Variants in PPP4R3B observed in about 807,000 individuals in gnomAD.
PPP4R3B encodes the protein serine/threonine-protein phosphatase 4 regulatory subunit 3B.
A neutral mutation model predicts 95.4 loss-of-function variants in PPP4R3B; 52 were observed. The observed-to-expected ratio is 0.54, with a 90% CI of 0.44 to 0.69. The LOEUF (loss-of-function observed/expected upper bound fraction) is 0.69, where lower values mean the gene tolerates loss of function less well. Ranked by LOEUF, PPP4R3B falls within the 30% of genes least tolerant of loss-of-function variation. The pLI is 0.00. For missense variants in PPP4R3B, 1,003 were observed against 1,005.9 expected, an observed-to-expected ratio of 1.00 and a Z score of 0.04; for synonymous variants, 407 against 343.9, an observed-to-expected ratio of 1.18 and a Z score of -2.03.
chr2:55,597,513 C>T (rs1261580024), intron 4 of PPP4R3B, among the ~76,000 whole-genome samples: 1 of 151,872 alleles, frequency 6.6e-6, no homozygotes, highest in Non-Finnish European at 1.5e-5. Context: ...TCCCAGCTAC[C>T]CGGGAGGCTG....
chr2:55,567,155 T>G (rs1041541122), intron 13 of PPP4R3B, among the ~76,000 whole-genome samples: 2 of 152,226 alleles, frequency 1.3e-5, no homozygotes, highest in South Asian at 2.1e-4. Context: ...GTTATTCACA[T>G]AGACTGCCCT....
In PPP4R3B at chr2:55,586,718, T is replaced by C; in HGVS notation, c.1016A>G (p.Glu339Gly). 6.3e-7 allele frequency: 1 copy of C among 1,597,628 alleles called. No homozygotes were observed. Among genetic ancestry groups the C allele is most frequent in the Non-Finnish European group, 8.5e-7 (1 of 1,173,634 alleles). ...KRRELVNFFK[E>G]FCAFSQTLQP... is the part of the protein sequence containing the mutation. ...TAATGTCTGAGAAAATGCACAAAAC[T>C]CCTTGAAAAAATTAACCTGTAATGT... Residue 339 changes from glutamate (E) to glycine (G), a missense_variant, in exon 6 of 17, where the codon GAG (glutamate) becomes GGG (glycine). Physicochemically the swap from Glu to Gly is moderately conservative, Grantham distance 98. This residue lies in a region of PPP4R3B where 695 missense variants were observed against 686.2 expected (regional missense o/e 1.01). Coordinates refer to ENST00000616407, the MANE Select transcript of PPP4R3B (RefSeq NM_001122964.3).
Position 55,617,445 on chromosome 2 carries a change from G to A in PPP4R3B, c.-160C>T, listed in dbSNP as rs1046553271. The A allele has an allele frequency of 1.1e-5, 9 of 856,202 alleles. No homozygotes were observed. The South Asian group carries it at 1.5e-4, about 14-fold the overall frequency. The allele number at this position is 856,202 out of a possible 1,614,324, so 53.0% of individuals were successfully genotyped here. Reference sequence around the variant, plus strand: ...GGCTCCAAAGGTTCAGCCGCGAGAAGGGGTGACAAGAGCCACTGAGGCCTC... The same window carrying A: ...GGCTCCAAAGGTTCAGCCGCGAGAAAGGGTGACAAGAGCCACTGAGGCCTC... On this transcript the variant is annotated 5_prime_UTR_variant, in exon 1 of 17. Transcript: ENST00000616407.
chr2:55,601,542 G>C (rs944756451), intron 3 of PPP4R3B, among the ~76,000 whole-genome samples: 6 of 151,890 alleles, frequency 4.0e-5, no homozygotes, highest in Admixed American at 3.9e-4. Context: ...CACCATGCCC[G>C]GCTAATTTTT....
chr2:55,584,320 G>C (rs1689837611), intron 7 of PPP4R3B, among the ~76,000 whole-genome samples: 1 of 151,978 alleles, frequency 6.6e-6, no homozygotes, highest in African/African-American at 2.4e-5. Flanking sequence ...CACAATATTG[G>C]TCTCATTATT....
At chr2:55,606,688 T>C (rs143327265) in intron 2 of PPP4R3B, among the ~76,000 whole-genome samples, 1 of 151,928 alleles carries the variant, frequency 6.6e-6, no homozygotes, top group African/African-American at 2.4e-5. Context: ...CCGGGTGTGG[T>C]AGCAGCCACC....
intron 10 of PPP4R3B, 60 bp from the exon 11 acceptor site, chr2:55,577,416 T>G: frequency 7.5e-7 from 1 of 1,337,258 alleles, no homozygotes; most frequent in Admixed American, 3.3e-5. Context: ...CAGATTTCCC[T>G]AGTACTTTAT....
chr2:55,575,082 C>T (rs13018767), intron 11 of PPP4R3B, among the ~76,000 whole-genome samples: 32,910 of 150,062 alleles, frequency 0.22, 3,682 homozygotes, highest in East Asian at 0.3. Flanking sequence ...GGACTACAGG[C>T]GCCCGCCACA....
chr2:55,604,168 G>T, intron 2 of PPP4R3B, 92 bp from the exon 3 acceptor site: 1 of 900,214 alleles, frequency 1.1e-6, no homozygotes, highest in Non-Finnish European at 1.6e-6. Flanking sequence ...AAACAACACA[G>T]CAATGACAAA....
intron 12 of PPP4R3B, among the ~76,000 whole-genome samples, chr2:55,572,067 C>T (rs1688075445): frequency 6.6e-6 from 1 of 152,202 alleles, no homozygotes; most frequent in Non-Finnish European, 1.5e-5. Flanking sequence ...GGTGCTGATA[C>T]TGTTGGCTAT....
chr2:55,573,140 A>G (rs1030243146), intron 12 of PPP4R3B, among the ~76,000 whole-genome samples: 8 of 152,204 alleles, frequency 5.3e-5, no homozygotes, highest in African/African-American at 7.2e-5. Flanking sequence ...TTAAATGTCT[A>G]TATTTAAAAT....
intron 2 of PPP4R3B, chr2:55,614,591 T>G (rs971694669): frequency 6.6e-6 from 1 of 152,174 alleles, no homozygotes; most frequent in African/African-American, 2.4e-5. Flanking sequence ...TATAAAAGCA[T>G]GTACACAAAG....
chr2:55,592,486 T>C (rs560869173), intron 4 of PPP4R3B, among the ~76,000 whole-genome samples: 210 of 151,964 alleles, frequency 1.4e-3, no homozygotes, highest in African/African-American at 5.0e-3. Flanking sequence ...CAAAGAAAAA[T>C]CCTAAAAACA....
chr2:55,614,061 A>T lies in PPP4R3B; in HGVS notation c.198+1390T>A, dbSNP rs578199806. 6 of 152,312 alleles carry T rather than the reference A, an allele frequency of 3.9e-5. No individual in the cohort carries two copies. In the East Asian group the frequency reaches 1.2e-3, roughly 29 times the overall value. 9.4% of individuals were successfully genotyped at this position (152,312 alleles called of 1,614,324 possible). Reference sequence around the variant, plus strand: ...AAAAAAGACACACAATATTTTCTAAACAGAGAAAAAAGCTATGAATTGAAT... The same window carrying T: ...AAAAAAGACACACAATATTTTCTAATCAGAGAAAAAAGCTATGAATTGAAT... On this transcript the variant is annotated intron_variant, in intron 2 of 16. Coordinates refer to ENST00000616407, the MANE Select transcript of PPP4R3B (RefSeq NM_001122964.3).
At chr2:55,560,942 G>C (rs1478498345) in intron 15 of PPP4R3B, among the ~76,000 whole-genome samples, 1 of 152,208 alleles carries the variant, frequency 6.6e-6, no homozygotes, top group Non-Finnish European at 1.5e-5. Context: ...CCATGCAGTA[G>C]AAAAGAAAAC....
Position 55,549,979 on chromosome 2 carries a change from G to A in PPP4R3B, c.2482C>T (p.Pro828Ser), listed in dbSNP as rs770947322. ...TCTTCATCTTCCTCTTCATCATCTG[G>A]ATAATCCACTAAGCCAACCAAACTT... ...KGSLVGLVDYPDDEEEDEEEE... is the reference protein window; with the variant it reads ...KGSLVGLVDYSDDEEEDEEEE... Residue 828 changes from proline to serine, a missense_variant, in exon 17 of 17, where the codon CCA (proline) becomes TCA (serine). By Grantham distance (74) the Pro-to-Ser change is moderately conservative. Coordinates refer to ENST00000616407, the MANE Select transcript of PPP4R3B (RefSeq NM_001122964.3). 2 of 1,612,372 alleles carry A rather than the reference G, an allele frequency of 1.2e-6. No individual in the cohort carries two copies. Among genetic ancestry groups the A allele is most frequent in the Non-Finnish European group, 1.7e-6 (2 of 1,179,578 alleles).
At chr2:55,601,141 CAAAAA>C (rs397871165) in intron 3 of PPP4R3B, among the ~76,000 whole-genome samples, 2 of 99,118 alleles carry the variant, frequency 2.0e-5, no homozygotes, top group African/African-American at 4.1e-5. Flanking sequence ...GACCATGTCT[CAAAAA>C]AAAAAAAAAA....
At position 55,553,899 on chromosome 2, in the gene PPP4R3B, A is replaced by G. The variant is rs370686537; in HGVS notation, c.2455-3893T>C. On this transcript the variant is annotated intron_variant, in intron 16 of 16. Transcript: ENST00000616407. ...TTACTTTTTGGCTATTATGAAAAAT[A>G]CTGCTATTAACATTCATATACAAGT... 7.9e-4 allele frequency among the ~76,000 whole-genome samples: 121 copies of G among 152,326 alleles called. 1 individual carries two copies. The South Asian group carries it at 0.024, about 30-fold the overall frequency.
At position 55,547,905 on chromosome 2, in the gene PPP4R3B, G is replaced by T. The variant is rs1279165777; in HGVS notation, c.*2006C>A. ...TACACTCCAGCCTGGGCAACAGAGCGAGACTCAAACAAACAAACAAAAAGT... is the reference window on the plus strand; with the variant it reads ...TACACTCCAGCCTGGGCAACAGAGCTAGACTCAAACAAACAAACAAAAAGT... On this transcript the variant is annotated 3_prime_UTR_variant, in exon 17 of 17. Transcript: ENST00000616407. 2 of 152,176 alleles carry T rather than the reference G, an allele frequency of 1.3e-5. No homozygotes were observed. The highest frequency in any genetic ancestry group is 2.9e-5 in the Non-Finnish European group (2 of 68,030). The allele number at this position is 152,176 out of a possible 1,614,324, so 9.4% of individuals were successfully genotyped here.
Sources: allele counts gnomAD v4.1 joint callset (sites outside exome capture counted in the v4.1 genomes callset), GRCh38; gene constraint gnomAD v4.1.1; regional missense constraint gnomAD v4.1.1; transcripts MANE v1.5; gene names NCBI Gene and HGNC (gene_info 2026-07-23, HGNC 2026-07-21).